The following LRRC3B variants were observed in gnomAD, a reference collection of about 807,000 sequenced individuals.
LRRC3B encodes leucine rich repeat containing 3B.
In LRRC3B, 2 loss-of-function variants were observed where a neutral mutation model predicts 12.8. The ratio of observed to expected loss-of-function variants is 0.16; its 90% CI spans 0.06 to 0.49. The LOEUF is 0.49. Ranked by LOEUF, LRRC3B falls within the 20% of genes least tolerant of loss-of-function variation. LRRC3B has a pLI of 0.96. For missense variants in LRRC3B, 189 were observed against 319.4 expected, an observed-to-expected ratio of 0.59 and a Z score of 3.11; for synonymous variants, 132 against 122.0, an observed-to-expected ratio of 1.08 and a Z score of -0.54.
chr3:26,685,521 CTCTA>C (rs1221533023), intron 1 of LRRC3B, among the ~76,000 whole-genome samples: 202 of 41,458 alleles, frequency 4.9e-3, no homozygotes, highest in East Asian at 8.6e-3. Flanking sequence ...CTCTCTCTCT[CTCTA>C]TATATATATA....
At chr3:26,701,575 T>G (rs1211474122) in intron 1 of LRRC3B, among the ~76,000 whole-genome samples, 2 of 152,116 alleles carry the variant, frequency 1.3e-5, no homozygotes, top group African/African-American at 2.4e-5. Context: ...AGTGACCGCA[T>G]TTGACCTATA....
intron 1 of LRRC3B, among the ~76,000 whole-genome samples, chr3:26,707,263 G>T (rs1291150868): frequency 6.6e-6 from 1 of 151,880 alleles, no homozygotes; most frequent in Non-Finnish European, 1.5e-5. Context: ...TACTCGGGAG[G>T]CTGGGGTGGG....
At chr3:26,630,205 G>T (rs1000820274) in intron 1 of LRRC3B, among the ~76,000 whole-genome samples, 4 of 152,078 alleles carry the variant, frequency 2.6e-5, no homozygotes, top group Admixed American at 2.0e-4. Context: ...CAGTTCAAAG[G>T]CAGCCTAGCT....
At chr3:26,671,920 ATGT>A (rs1699757278) in intron 1 of LRRC3B, among the ~76,000 whole-genome samples, 1 of 152,198 alleles carries the variant, frequency 6.6e-6, no homozygotes, top group East Asian at 1.9e-4. Context: ...AAGAATTAAA[ATGT>A]TGTCGCTTTT....
chr3:26,643,258 G>GTGTA (rs147916375), intron 1 of LRRC3B, among the ~76,000 whole-genome samples: 6,801 of 135,242 alleles, frequency 0.05, 369 homozygotes, highest in East Asian at 0.18. Context: ...ATGTGTGAGT[G>GTGTA]TGTGTGTGTG....
intron 1 of LRRC3B, among the ~76,000 whole-genome samples, chr3:26,686,180 C>A (rs181632170): frequency 6.6e-6 from 1 of 151,886 alleles, no homozygotes; most frequent in Non-Finnish European, 1.5e-5. Context: ...CCCGGGTTCA[C>A]GCCATTCTCC....
chr3:26,709,807 T>A, exon 2 of LRRC3B: 2 of 1,613,984 alleles, frequency 1.2e-6, no homozygotes, highest in Non-Finnish European at 1.7e-6. Flanking sequence ...CCTCTGGGGG[T>A]TTAAATGTCA....
intron 1 of LRRC3B, among the ~76,000 whole-genome samples, chr3:26,631,168 C>T (rs1351307543): frequency 6.6e-6 from 1 of 152,182 alleles, no homozygotes; most frequent in African/African-American, 2.4e-5. Flanking sequence ...AAATGTGCCT[C>T]CTTGGAGAAG....
At chr3:26,709,424 G>A in intron 1 of LRRC3B, 89 bp from the exon 2 acceptor site, 2 of 513,214 alleles carry the variant, frequency 3.9e-6, no homozygotes, top group Non-Finnish European at 6.9e-6. Flanking sequence ...CCCTGCTCAA[G>A]CAGAATGCCA....
At chr3:26,672,096 C>T (rs893073911) in intron 1 of LRRC3B, among the ~76,000 whole-genome samples, 4 of 152,160 alleles carry the variant, frequency 2.6e-5, no homozygotes, top group African/African-American at 9.7e-5. Flanking sequence ...GAAGTTGTTG[C>T]TCAGTAACTG....
At chr3:26,668,885 G>C (rs1242091677) in intron 1 of LRRC3B, among the ~76,000 whole-genome samples, 1 of 152,094 alleles carries the variant, frequency 6.6e-6, no homozygotes, top group Non-Finnish European at 1.5e-5. Flanking sequence ...TTTATATTAT[G>C]AGTATTTAGT....
chr3:26,685,486 CCTCTCTCTCTCTCTCTCTCT>C (rs61229084), intron 1 of LRRC3B, among the ~76,000 whole-genome samples: 1 of 49,572 alleles, frequency 2.0e-5, no homozygotes, highest in African/African-American at 9.3e-5. Context: ...AGACTCTCTC[CCTCTCTCTCTCTCTCTCTCT>C]CTCTCTCTCT....
At chr3:26,655,083 A>C (rs6769536) in intron 1 of LRRC3B, among the ~76,000 whole-genome samples, 42,987 of 152,078 alleles carry the variant, frequency 0.28, 8,199 homozygotes, top group African/African-American at 0.53. Context: ...CTGTCTGTCC[A>C]TGAACATTTA....
At chr3:26,659,170 A>G (rs1262440117) in intron 1 of LRRC3B, among the ~76,000 whole-genome samples, 2 of 152,212 alleles carry the variant, frequency 1.3e-5, no homozygotes, top group Non-Finnish European at 2.9e-5. Flanking sequence ...TATCTTCATA[A>G]CAATCCTATG....
At chr3:26,641,218 G>T (rs1347737943) in intron 1 of LRRC3B, among the ~76,000 whole-genome samples, 1 of 152,138 alleles carries the variant, frequency 6.6e-6, no homozygotes, top group African/African-American at 2.4e-5. Flanking sequence ...CTATGAGGAT[G>T]AACTAGGACC....
chr3:26,692,657 T>C (rs895566657), intron 1 of LRRC3B, among the ~76,000 whole-genome samples: 4 of 152,244 alleles, frequency 2.6e-5, no homozygotes, highest in African/African-American at 9.6e-5. Context: ...TTAGTGTATA[T>C]GTGTGAAACA....
chr3:26,637,384 T>C (rs542722171), intron 1 of LRRC3B, among the ~76,000 whole-genome samples: 52 of 152,296 alleles, frequency 3.4e-4, no homozygotes, highest in Non-Finnish European at 6.0e-4. Context: ...CCACCTCAAA[T>C]TCACCGTCAA....
intron 1 of LRRC3B, among the ~76,000 whole-genome samples, chr3:26,650,233 G>A (rs1238659954): frequency 6.6e-6 from 1 of 152,118 alleles, no homozygotes; most frequent in Non-Finnish European, 1.5e-5. Context: ...GCTCTCAAAA[G>A]TAAGGTTATG....
At chr3:26,691,457 G>A (rs554490312) in intron 1 of LRRC3B, among the ~76,000 whole-genome samples, 1 of 152,186 alleles carries the variant, frequency 6.6e-6, no homozygotes, top group Non-Finnish European at 1.5e-5. Flanking sequence ...ATGGGTGTAA[G>A]CTGTCTCAAC....
Sources: allele counts gnomAD v4.1 joint callset (sites outside exome capture counted in the v4.1 genomes callset), GRCh38; gene constraint gnomAD v4.1.1; transcripts MANE v1.5; gene names NCBI Gene and HGNC (gene_info 2026-07-23, HGNC 2026-07-21).